The following SH3PXD2A variants were observed in gnomAD, a reference collection of about 807,000 sequenced individuals.
SH3PXD2A encodes the protein SH3 and PX domains 2A.
SH3PXD2A carries 32 observed loss-of-function variants against 115.2 expected under a neutral mutation model. That is an observed-to-expected ratio of 0.28 (90% CI 0.21 to 0.37). The LOEUF (loss-of-function observed/expected upper bound fraction) is 0.37, where lower values mean the gene tolerates loss of function less well. Among genes scored for constraint, SH3PXD2A ranks in the 10% least tolerant of loss-of-function variants. The pLI, the probability that SH3PXD2A is intolerant of heterozygous loss-of-function variation, is 1.00. For missense variants in SH3PXD2A, 1,328 were observed against 1,498.7 expected (o/e 0.89, Z 1.88); for synonymous variants, 610 against 629.1 (o/e 0.97, Z 0.45).
At chr10:103,675,715 G>A (rs1234602296) in intron 6 of SH3PXD2A, among the ~76,000 whole-genome samples, 3 of 152,230 alleles carry the variant, frequency 2.0e-5, no homozygotes, top group Non-Finnish European at 4.4e-5. Flanking sequence ...ACAACAGTCT[G>A]TAATTTACAG....
intron 8 of SH3PXD2A, among the ~76,000 whole-genome samples, chr10:103,633,296 A>C (rs2036810221): frequency 6.6e-6 from 1 of 151,976 alleles, no homozygotes; most frequent in Non-Finnish European, 1.5e-5. Context: ...CATGCCTGTA[A>C]TCCCAGCTAC....
chr10:103,817,556 G>A (rs2039337058), intron 1 of SH3PXD2A, among the ~76,000 whole-genome samples: 1 of 151,920 alleles, frequency 6.6e-6, no homozygotes, highest in Admixed American at 6.6e-5. Flanking sequence ...AGCCAGGCTG[G>A]TCTTGAACTC....
At chr10:103,608,302 G>A (rs763739076) in intron 13 of SH3PXD2A, among the ~76,000 whole-genome samples, 4 of 150,374 alleles carry the variant, frequency 2.7e-5, no homozygotes, top group Non-Finnish European at 5.9e-5. Flanking sequence ...CAGGGAACGA[G>A]GCCCTGTCGG....
intron 10 of SH3PXD2A, among the ~76,000 whole-genome samples, chr10:103,619,175 A>G (rs7095740): frequency 0.61 from 93,114 of 152,102 alleles, 28,994 homozygotes; most frequent in East Asian, 0.86. Context: ...GCCATGCTTC[A>G]GACTGCTGCC....
In SH3PXD2A at chr10:103,627,242, G is replaced by T; in HGVS notation, c.605-40C>A. On this transcript the variant is annotated intron_variant, in intron 8 of 14. Coordinates refer to ENST00000369774, the MANE Select transcript of SH3PXD2A (RefSeq NM_001394015.1). The surrounding 1 kb of genome is among the most constrained non-coding windows in gnomAD (Gnocchi z 4.4). ...AGAGAGAACAGGACTGTGAGATTCT[G>T]CAGGGTGGCAGGGGTGGCTCGGGGG... is the stretch of plus-strand genomic sequence containing the variant. 1.6e-6 allele frequency: 2 copies of T among 1,233,824 alleles called. No homozygotes were observed. The allele number at this position is 1,233,824 out of a possible 1,614,324, so 76.4% of individuals were successfully genotyped here.
At chr10:103,647,859 C>T (rs557957087) in intron 8 of SH3PXD2A, among the ~76,000 whole-genome samples, 2 of 152,096 alleles carry the variant, frequency 1.3e-5, no homozygotes, top group East Asian at 1.9e-4. Context: ...TGCCCAAGCA[C>T]GAAAGAGTCA....
chr10:103,651,499 A>G (rs2134023958), intron 8 of SH3PXD2A, among the ~76,000 whole-genome samples: 1 of 152,328 alleles, frequency 6.6e-6, no homozygotes, highest in South Asian at 2.1e-4. Context: ...GGCTTTGCAA[A>G]GAAGTGAAAT....
intron 2 of SH3PXD2A, 88 bp downstream of exon 2, chr10:103,801,194 C>T: frequency 1.3e-6 from 1 of 797,128 alleles, no homozygotes; most frequent in Non-Finnish European, 2.2e-6. Context: ...TGACAGCTCT[C>T]TTGGGGGCTC....
chr10:103,606,864 G>A (rs1592258487), intron 13 of SH3PXD2A, among the ~76,000 whole-genome samples: 2 of 152,236 alleles, frequency 1.3e-5, no homozygotes, highest in African/African-American at 2.4e-5. Flanking sequence ...CCTCCCAGCC[G>A]CCTGCCTTGG....
At chr10:103,700,132 T>C (rs1277104160) in intron 5 of SH3PXD2A, among the ~76,000 whole-genome samples, 2 of 152,344 alleles carry the variant, frequency 1.3e-5, no homozygotes, top group East Asian at 3.9e-4. Flanking sequence ...CCTAAGTGTG[T>C]CTTCAGCCAC....
chr10:103,801,215 C>T (rs1193559936), intron 2 of SH3PXD2A, 67 bp downstream of exon 2: 9 of 939,294 alleles, frequency 9.6e-6, no homozygotes, highest in Middle Eastern at 3.0e-4. Context: ...CCTGGATAAG[C>T]GAGGGTATGA....
intron 1 of SH3PXD2A, among the ~76,000 whole-genome samples, chr10:103,852,314 C>G (rs1408598338): frequency 6.6e-6 from 1 of 152,252 alleles, no homozygotes; most frequent in East Asian, 1.9e-4. Flanking sequence ...CAGGCAGCTC[C>G]CCCTCCCCGT....
intron 8 of SH3PXD2A, among the ~76,000 whole-genome samples, chr10:103,636,265 C>A (rs924507098): frequency 2.6e-5 from 4 of 151,996 alleles, no homozygotes; most frequent in Non-Finnish European, 4.4e-5. Flanking sequence ...AAAAATTAGC[C>A]GGGCGTGGTG....
intron 1 of SH3PXD2A, among the ~76,000 whole-genome samples, chr10:103,806,561 G>A (rs1317136085): frequency 1.3e-5 from 2 of 152,112 alleles, no homozygotes; most frequent in Non-Finnish European, 2.9e-5. Flanking sequence ...CCTGCATCGG[G>A]GGCCCAGATA....
At chr10:103,663,319 C>T (rs1298201183) in intron 7 of SH3PXD2A, among the ~76,000 whole-genome samples, 1 of 152,246 alleles carries the variant, frequency 6.6e-6, no homozygotes, top group Non-Finnish European at 1.5e-5. Flanking sequence ...CCCTTATCTT[C>T]CATTTCACAA....
chr10:103,656,871 G>A (rs2037221053), intron 8 of SH3PXD2A, among the ~76,000 whole-genome samples: 1 of 150,728 alleles, frequency 6.6e-6, no homozygotes, highest in African/African-American at 2.4e-5. Context: ...AAGAGAGACA[G>A]AGAAGCTGCT....
At chr10:103,795,853 G>A (rs761211877) in intron 2 of SH3PXD2A, among the ~76,000 whole-genome samples, 4 of 151,282 alleles carry the variant, frequency 2.6e-5, no homozygotes, top group African/African-American at 7.3e-5. Context: ...TGGAAGGATG[G>A]GAAGAAGGAA....
intron 8 of SH3PXD2A, among the ~76,000 whole-genome samples, chr10:103,636,569 G>A (rs557398291): frequency 4.6e-5 from 7 of 152,242 alleles, no homozygotes; most frequent in East Asian, 3.9e-4. Context: ...GACTGAGGGC[G>A]GCAGGAAGTG....
intron 1 of SH3PXD2A, among the ~76,000 whole-genome samples, chr10:103,829,329 T>G (rs2039463239): frequency 6.6e-6 from 1 of 152,160 alleles, no homozygotes; most frequent in African/African-American, 2.4e-5. Flanking sequence ...AAGACTGTAA[T>G]TTATTATGCC....
Sources: gnomAD v4.1 joint callset for allele counts (sites outside exome capture counted in the v4.1 genomes callset) on GRCh38, gnomAD v4.1.1 for gene constraint, Gnocchi (gnomAD v3.1) non-coding constraint, MANE v1.5 for transcripts, NCBI Gene and HGNC (gene_info 2026-07-23, HGNC 2026-07-21) for gene names.